SMYD1: variants seen among roughly 807,000 people sequenced by gnomAD.
The protein encoded by SMYD1 is histone-lysine N-methyltransferase SMYD1.
Under a neutral mutation model 54.0 loss-of-function variants are expected in SMYD1, and 49 were observed. That is an observed-to-expected ratio of 0.91 (90% CI 0.72 to 1.15). SMYD1 has a LOEUF of 1.15. Among genes scored for constraint, SMYD1 ranks in the 50% most tolerant of loss-of-function variants. The pLI is 0.00. For synonymous variants in SMYD1, 269 were observed against 234.2 expected (o/e 1.15, Z -1.36); for missense variants, 653 against 639.6 (o/e 1.02, Z -0.23).
chr2:88,087,849 GCCCTTC>G lies in SMYD1; in HGVS notation c.315-10_315-5del. ...GCAGCTGTAGTGGCCTCCTGACGCT[GCCCTTC>G]CCACAGGCTGGCGGCGCGCATCATG... On this transcript the variant is annotated splice_region_variant and splice_polypyrimidine_tract_variant and intron_variant, in intron 2 of 9. Coordinates refer to ENST00000419482, the MANE Select transcript of SMYD1 (RefSeq NM_198274.4). 1 of 1,556,182 alleles carries G rather than the reference GCCCTTC, an allele frequency of 6.4e-7. No homozygotes were observed. The highest frequency in any genetic ancestry group is 8.7e-7 in the Non-Finnish European group (1 of 1,150,618).
chr2:88,069,455 G>A (rs1673900453), intron 1 of SMYD1, among the ~76,000 whole-genome samples: 1 of 152,192 alleles, frequency 6.6e-6, no homozygotes, highest in Non-Finnish European at 1.5e-5. Context: ...GTATGTGTCA[G>A]GGGAGGGGTG....
At chr2:88,076,414 G>C (rs148264339) in intron 1 of SMYD1, among the ~76,000 whole-genome samples, 6 of 152,046 alleles carry the variant, frequency 3.9e-5, no homozygotes, top group Admixed American at 2.6e-4. Flanking sequence ...TAGTAGAGAC[G>C]GGGTTTCGCC....
chr2:88,080,049 G>T (rs1032554531), intron 1 of SMYD1, among the ~76,000 whole-genome samples: 1 of 152,164 alleles, frequency 6.6e-6, no homozygotes. Context: ...AGGACCTTTG[G>T]TTATACAGTC....
intron 8 of SMYD1, 131 bp from the exon 9 acceptor site, chr2:88,108,240 T>C: frequency 1.2e-6 from 1 of 842,476 alleles, no homozygotes; most frequent in Non-Finnish European, 1.7e-6. Context: ...CCTTGGCGGC[T>C]ACAGAAGCCT....
intron 4 of SMYD1, 109 bp downstream of exon 4, chr2:88,091,251 A>C (rs1481590615): frequency 3.0e-5 from 36 of 1,203,564 alleles, no homozygotes; most frequent in Non-Finnish European, 3.7e-5. Flanking sequence ...AACTAGCATA[A>C]ATTTTAAATG....
rs569408895 is a variant in SMYD1, at chr2:88,111,836, T to C, written c.*1324T>C. 2.6e-4 allele frequency: 120 copies of C among 453,916 alleles called. 1 individual carries two copies. Among genetic ancestry groups the C allele is most frequent in the African/African-American group, 2.1e-3 (108 of 51,764 alleles). The allele number at this position is 453,916 out of a possible 1,614,324, so 28.1% of individuals were successfully genotyped here. ...AGATCCTGGAAAAGATCCCTTCAGT[T>C]TGGGGTGTCACCAAGACTTCTACAC... On this transcript the variant is annotated 3_prime_UTR_variant, in exon 10 of 10. Coordinates refer to ENST00000419482, the MANE Select transcript of SMYD1 (RefSeq NM_198274.4).
rs775613397 is a variant in SMYD1 at position 88,084,333 on chromosome 2, G to A, written c.155G>A (p.Cys52Tyr). The A allele has an allele frequency of 6.3e-7, 1 of 1,576,440 alleles. No homozygotes were observed. The highest frequency in any genetic ancestry group is 1.1e-5 in the South Asian group (1 of 89,016). ...ATTTCCAGCCTTGTTAATTTTGTGT[G>A]CCACACCTGCTTCAAGAGGCAGGAG... The part of the protein sequence containing the change: ...VVFDSLVNFV[C>Y]HTCFKRQEKL... The change falls in exon 2 of 10, where the codon TGC (cysteine) becomes TAC (tyrosine). Residue 52 changes from cysteine (C) to tyrosine (Y), a missense_variant. Cys to Tyr is a radical substitution (Grantham distance 194, BLOSUM62 -2). Coordinates refer to ENST00000419482, the MANE Select transcript of SMYD1 (RefSeq NM_198274.4).
chr2:88,084,288 A>C (rs1250274520), intron 1 of SMYD1, 28 bp from the exon 2 acceptor site: 1 of 1,544,070 alleles, frequency 6.5e-7, no homozygotes, highest in Admixed American at 1.7e-5. Context: ...TGTGCTCCCA[A>C]TCATGTGTCT....
chr2:88,104,013 C>A (rs1006170686), intron 7 of SMYD1, among the ~76,000 whole-genome samples: 40 of 150,382 alleles, frequency 2.7e-4, no homozygotes, highest in Non-Finnish European at 5.2e-4. Context: ...GTCACCCAGG[C>A]TGGAGTGCAG....
rs755779632 is a variant in SMYD1, at chr2:88,084,360, A to C, written c.182A>C (p.Lys61Thr). ...VCHTCFKRQE[K>T]LHRCGQCKFA... ...CACACCTGCTTCAAGAGGCAGGAGA[A>C]GCTCCATCGCTGTGGGCAGTGCAAG... Residue 61 changes from lysine (K) to threonine (T), a missense_variant, in exon 2 of 10, where the codon AAG becomes ACG. Lys to Thr is a moderately conservative substitution (Grantham distance 78). Coordinates refer to ENST00000419482, the MANE Select transcript of SMYD1 (RefSeq NM_198274.4). The C allele has an allele frequency of 1.0e-5, 16 of 1,590,244 alleles. No individual in the cohort carries two copies. The highest frequency in any genetic ancestry group is 1.7e-4 in the Middle Eastern group (1 of 5,982).
At chr2:88,092,673 G>A (rs1453910665) in intron 4 of SMYD1, among the ~76,000 whole-genome samples, 1 of 152,226 alleles carries the variant, frequency 6.6e-6, no homozygotes, top group Admixed American at 6.5e-5. Flanking sequence ...CTCAGCATTT[G>A]TGTTTCCTTT....
intron 1 of SMYD1, among the ~76,000 whole-genome samples, chr2:88,069,279 A>T (rs1673897760): frequency 6.6e-6 from 1 of 152,162 alleles, no homozygotes; most frequent in African/African-American, 2.4e-5. Flanking sequence ...CCCACAGATA[A>T]CTTGATTAGT....
intron 6 of SMYD1, among the ~76,000 whole-genome samples, chr2:88,099,579 C>T (rs561513516): frequency 6.6e-6 from 1 of 152,012 alleles, no homozygotes; most frequent in East Asian, 2.0e-4. Flanking sequence ...AAAAATTAGC[C>T]GGGCATGGCG....
intron 5 of SMYD1, among the ~76,000 whole-genome samples, chr2:88,095,450 T>C (rs1351896502): frequency 6.6e-6 from 1 of 152,214 alleles, no homozygotes; most frequent in Admixed American, 6.5e-5. Context: ...CAGCAGTTGC[T>C]CCCTTGACTG....
At chr2:88,081,984 C>T (rs1674208717) in intron 1 of SMYD1, among the ~76,000 whole-genome samples, 1 of 152,126 alleles carries the variant, frequency 6.6e-6, no homozygotes, top group Non-Finnish European at 1.5e-5. Context: ...CAAATTCCTG[C>T]CAGAAAATGC....
intron 7 of SMYD1, 43 bp downstream of exon 7, chr2:88,103,193 G>A (rs1674766065): frequency 6.5e-7 from 1 of 1,540,266 alleles, no homozygotes; most frequent in African/African-American, 1.4e-5. Flanking sequence ...AGAAAGGAGG[G>A]TGGAAACATT....
In SMYD1 at chr2:88,096,624, C is replaced by T; in HGVS notation, c.728C>T (p.Ser243Leu). The stretch of plus-strand genomic sequence containing the variant: ...GAGCTCCGGGCCCTAGGCAAGATCT[C>T]AGAAGGAGAGGAGCTGACTGTGTCC... ...RIELRALGKI[S>L]EGEELTVSYI... Residue 243 changes from serine to leucine, a missense_variant, in exon 6 of 10, where the codon TCA becomes TTA. Transcript: ENST00000419482. The T allele has an allele frequency of 6.2e-7, 1 of 1,613,516 alleles. No homozygotes were observed. The highest frequency in any genetic ancestry group is 1.1e-5 in the South Asian group (1 of 90,950).
In SMYD1 at chr2:88,110,370, C is replaced by T. The variant is rs1298850932; in HGVS notation, c.1331C>T (p.Thr444Met). 16 of 1,612,264 alleles carry T rather than the reference C, an allele frequency of 9.9e-6. No homozygotes were observed. Among genetic ancestry groups the T allele is most frequent in the East Asian group, 2.2e-5 (1 of 44,852 alleles). ...TKDLEAMRVQ[T>M]EMELRMFRQN... ...GTCCCACAGGCCATGCGGGTGCAGA[C>T]GGAGATGGAGCTACGCATGTTCCGC... The change falls in exon 10 of 10, where the codon ACG becomes ATG. Residue 444 changes from threonine to methionine, a missense_variant. Coordinates refer to ENST00000419482, the MANE Select transcript of SMYD1 (RefSeq NM_198274.4).
rs1324353658 is a variant in SMYD1 at position 88,111,638 on chromosome 2, T to C, written c.*1126T>C. 6.3e-6 allele frequency: 1 copy of C among 159,206 alleles called. No individual in the cohort carries two copies. Among genetic ancestry groups the C allele is most frequent in the Non-Finnish European group, 1.4e-5 (1 of 71,968 alleles). 9.9% of individuals were successfully genotyped at this position (159,206 alleles called of 1,614,324 possible). A position where few individuals can be genotyped will look rare whatever the true frequency, so the allele number is the denominator to read the frequency against. On this transcript the variant is annotated 3_prime_UTR_variant, in exon 10 of 10. Transcript: ENST00000419482. The stretch of plus-strand genomic sequence containing the variant: ...AGAAAGAACATTTGAATCTGGATTC[T>C]TGTACACCTGGGTTAGACCCTGTTC...
Sources: allele counts gnomAD v4.1 joint callset (sites outside exome capture counted in the v4.1 genomes callset), GRCh38; gene constraint gnomAD v4.1.1; transcripts MANE v1.5; gene names NCBI Gene and HGNC (gene_info 2026-07-23, HGNC 2026-07-21).